Variants in VPS35L observed in about 807,000 individuals in gnomAD.
VPS35L encodes VPS35 endosomal protein-sorting factor-like.
Under a neutral mutation model 133.0 loss-of-function variants are expected in VPS35L, and 83 were observed. The ratio of observed to expected loss-of-function variants is 0.62; its 90% CI spans 0.52 to 0.75. The LOEUF (loss-of-function observed/expected upper bound fraction) is 0.75, where lower values mean the gene tolerates loss of function less well. VPS35L is among the 30% of genes least tolerant of loss of function. The pLI is 0.00. For missense variants in VPS35L, 1,083 were observed against 1,206.8 expected, an observed-to-expected ratio of 0.90 and a Z score of 1.52; for synonymous variants, 423 against 449.9, an observed-to-expected ratio of 0.94 and a Z score of 0.76.
At position 19,672,107 on chromosome 16, in the gene VPS35L, G is replaced by A. The variant is rs958504662; in HGVS notation, c.2361+2808G>A. ...CCAACAGGCATGTGCCAGCCACCAC[G>A]CCTGGCTAATTTTTTTTTAATGTTT... is the stretch of plus-strand genomic sequence containing the variant. On this transcript the variant is annotated intron_variant, in intron 27 of 30. Transcript: ENST00000417362. Among the ~76,000 whole-genome samples, 7 of 152,036 alleles carry A rather than the reference G, an allele frequency of 4.6e-5. No homozygotes were observed. The South Asian group carries it at 6.2e-4, about 14-fold the overall frequency.
chr16:19,607,062 G>A (rs907503795), intron 9 of VPS35L, among the ~76,000 whole-genome samples: 3 of 152,236 alleles, frequency 2.0e-5, no homozygotes, highest in Non-Finnish European at 4.4e-5. Flanking sequence ...GGCCTTCATG[G>A]TGTTTGTAAG....
intron 16 of VPS35L, among the ~76,000 whole-genome samples, chr16:19,628,244 G>C (rs1414916173): frequency 6.6e-6 from 1 of 152,092 alleles, no homozygotes; most frequent in East Asian, 1.9e-4. Flanking sequence ...CATTCCTGTA[G>C]TCCCAGCTAC....
At chr16:19,684,277 G>A (rs557849875) in intron 28 of VPS35L, among the ~76,000 whole-genome samples, 2 of 152,144 alleles carry the variant, frequency 1.3e-5, no homozygotes, top group African/African-American at 4.8e-5. Flanking sequence ...CCTGCCTGGC[G>A]GACCCTCAGT....
In VPS35L at chr16:19,700,952, T is replaced by C. The variant is rs1486933955; in HGVS notation, c.*476T>C. On this transcript the variant is annotated 3_prime_UTR_variant, in exon 31 of 31. Coordinates refer to ENST00000417362, the MANE Select transcript of VPS35L (RefSeq NM_020314.7). ...TGGAACTGTGTTACCTGAACCCCTATGGAGGATTTATAAAAGGCAGAAATA... is the reference window on the plus strand; with the variant it reads ...TGGAACTGTGTTACCTGAACCCCTACGGAGGATTTATAAAAGGCAGAAATA... 1 of 154,330 alleles carries C rather than the reference T, an allele frequency of 6.5e-6. No individual in the cohort carries two copies. The highest frequency in any genetic ancestry group is 2.4e-5 in the African/African-American group (1 of 41,474). The allele number at this position is 154,330 out of a possible 1,614,324, so 9.6% of individuals were successfully genotyped here.
chr16:19,662,768 G>A (rs764525097), intron 26 of VPS35L, among the ~76,000 whole-genome samples: 4 of 151,988 alleles, frequency 2.6e-5, no homozygotes, highest in South Asian at 2.1e-4. Context: ...AAAACCTTCC[G>A]GCCTTCCAAG....
At chr16:19,673,933 A>G (rs1170488241) in intron 27 of VPS35L, among the ~76,000 whole-genome samples, 1 of 152,172 alleles carries the variant, frequency 6.6e-6, no homozygotes, top group Non-Finnish European at 1.5e-5. Context: ...GAAGCCGGAA[A>G]CGTTTGCAGT....
chr16:19,573,346 T>C (rs1971441369), intron 4 of VPS35L, 105 bp downstream of exon 4: 1 of 1,287,640 alleles, frequency 7.8e-7, no homozygotes. Flanking sequence ...ACTTATTTAT[T>C]TATTTTTCTA....
chr16:19,654,425 T>C (rs1257233935), intron 26 of VPS35L, among the ~76,000 whole-genome samples: 2 of 151,776 alleles, frequency 1.3e-5, no homozygotes, highest in Non-Finnish European at 2.9e-5. Flanking sequence ...CTCCTACTGC[T>C]TGCTTTGGTA....
At chr16:19,613,149 A>G (rs567213484) in intron 12 of VPS35L, among the ~76,000 whole-genome samples, 1 of 152,262 alleles carries the variant, frequency 6.6e-6, no homozygotes, top group South Asian at 2.1e-4. Context: ...AAAAAATACA[A>G]AAAATTAGCC....
intron 27 of VPS35L, among the ~76,000 whole-genome samples, chr16:19,678,929 G>A (rs145283475): frequency 1.3e-5 from 2 of 152,212 alleles, no homozygotes; most frequent in African/African-American, 2.4e-5. Flanking sequence ...AAACCTTTAC[G>A]TCTCCACTGG....
chr16:19,664,525 C>G (rs2151600054), intron 26 of VPS35L, among the ~76,000 whole-genome samples: 1 of 151,100 alleles, frequency 6.6e-6, no homozygotes, highest in East Asian at 1.9e-4. Flanking sequence ...TTGGGTTTTG[C>G]CTTTAAGATG....
intron 19 of VPS35L, among the ~76,000 whole-genome samples, chr16:19,635,073 C>T (rs891122389): frequency 1.3e-5 from 2 of 152,134 alleles, no homozygotes; most frequent in African/African-American, 4.8e-5. Context: ...GGCTCCATGG[C>T]TCACACCTAT....
chr16:19,607,825 A>C (rs1223235498), intron 9 of VPS35L: 1 of 186,470 alleles, frequency 5.4e-6, no homozygotes, highest in Non-Finnish European at 1.1e-5. Context: ...GCCTGGGTTG[A>C]ATTCTAACTC....
At chr16:19,645,380 C>T (rs7195416) in intron 23 of VPS35L, among the ~76,000 whole-genome samples, 12,730 of 151,398 alleles carry the variant, frequency 0.084, 722 homozygotes, top group East Asian at 0.22. Flanking sequence ...AGCTCCGCCT[C>T]CCGGGTTCAC....
chr16:19,680,637 C>T lies in VPS35L; in HGVS notation c.2362-1588C>T, dbSNP rs116482893. Among the ~76,000 whole-genome samples the T allele has an allele frequency of 2.9e-3, 448 of 152,198 alleles. 5 individuals are homozygous for T. The highest frequency in any genetic ancestry group is 0.01 in the African/African-American group (429 of 41,546). On this transcript the variant is annotated intron_variant, in intron 27 of 30. Transcript: ENST00000417362. The stretch of plus-strand genomic sequence containing the variant: ...TGTAAAAAACAACACAGAGGCTGGG[C>T]GCGGTGGCTCATGCCTTTAATCCCA...
chr16:19,672,748 A>T (rs1402105412), intron 27 of VPS35L, among the ~76,000 whole-genome samples: 2 of 152,144 alleles, frequency 1.3e-5, no homozygotes, highest in African/African-American at 4.8e-5. Context: ...TCTCCATATT[A>T]GTACTCTGTA....
chr16:19,645,541 G>A (rs949076238), intron 23 of VPS35L, among the ~76,000 whole-genome samples: 4 of 152,080 alleles, frequency 2.6e-5, no homozygotes, highest in Non-Finnish European at 5.9e-5. Flanking sequence ...CGCCCGCCTC[G>A]GCCTCCCAAA....
rs1415723412 is a variant in VPS35L at position 19,591,258 on chromosome 16, A to T, written c.640-532A>T. 3.3e-5 allele frequency among the ~76,000 whole-genome samples: 5 copies of T among 152,350 alleles called. No individual in the cohort carries two copies. The East Asian group carries it at 9.6e-4, about 29-fold the overall frequency. On this transcript the variant is annotated intron_variant, in intron 7 of 30. Coordinates refer to ENST00000417362, the MANE Select transcript of VPS35L (RefSeq NM_020314.7). ...CACCCTGAAATCAACAGAAGAAGCC[A>T]GTCTGCAAAGCAATTGAACAAAGAT...
Position 19,626,212 on chromosome 16 carries a change from A to G in VPS35L, c.1260A>G (p.Lys420=), listed in dbSNP as rs1973257260. 3 of 1,598,946 alleles carry G rather than the reference A, an allele frequency of 1.9e-6. No homozygotes were observed. The highest frequency in any genetic ancestry group is 2.2e-5 in the South Asian group (2 of 89,860). Residue 420 remains lysine (K), a synonymous_variant, in exon 15 of 31, where the codon AAA becomes AAG. Transcript: ENST00000417362. ...LLTEMMERCK[K]LGNNALLLNS... ...CCGAGATGATGGAAAGGTGTAAGAAACTAGGAAACAAGTAAGTATTTTAAG... is the reference window on the plus strand; with the variant it reads ...CCGAGATGATGGAAAGGTGTAAGAAGCTAGGAAACAAGTAAGTATTTTAAG...
Sources: allele counts gnomAD v4.1 joint callset (sites outside exome capture counted in the v4.1 genomes callset), GRCh38; gene constraint gnomAD v4.1.1; transcripts MANE v1.5; gene names NCBI Gene and HGNC (gene_info 2026-07-23, HGNC 2026-07-21).